Variants in CSNK2A2IP observed in about 807,000 individuals in gnomAD.
CSNK2A2IP encodes the protein casein kinase II subunit alpha'-interacting protein.
At chr3:88,459,794 A>G in the CSNK2A2IP span, among the ~76,000 whole-genome samples, 1 of 152,142 alleles carries the variant, frequency 6.6e-6, no homozygotes, top group African/African-American at 2.4e-5. Flanking sequence ...TAAAACATCT[A>G]TTAAGATTTA....
At chr3:88,384,372 AAAAAAAC>A in the CSNK2A2IP span, among the ~76,000 whole-genome samples, 1 of 132,760 alleles carries the variant, frequency 7.5e-6, no homozygotes, top group Non-Finnish European at 1.7e-5. Flanking sequence ...CAAAATTAAA[AAAAAAAC>A]AAAAAAACAA....
the CSNK2A2IP span, among the ~76,000 whole-genome samples, chr3:88,348,787 A>G: frequency 7.8e-4 from 118 of 152,070 alleles, no homozygotes; most frequent in Non-Finnish European, 1.5e-3. Flanking sequence ...GAATCAAAAA[A>G]TAGTAAGAAG....
chr3:88,460,568 A>G, the CSNK2A2IP span, among the ~76,000 whole-genome samples: 2 of 152,066 alleles, frequency 1.3e-5, no homozygotes, highest in African/African-American at 2.4e-5. Context: ...TTAAATTAGC[A>G]TCATCATCAT....
At chr3:88,349,815 T>TTGA in the CSNK2A2IP span, among the ~76,000 whole-genome samples, 7 of 152,112 alleles carry the variant, frequency 4.6e-5, no homozygotes, top group Admixed American at 3.9e-4. Flanking sequence ...TGTGTGTGTG[T>TTGA]TTTAAATTAT....
the CSNK2A2IP span, among the ~76,000 whole-genome samples, chr3:88,343,691 G>A: frequency 1.3e-5 from 2 of 151,922 alleles, no homozygotes; most frequent in African/African-American, 2.4e-5. Context: ...AAGGGCTATT[G>A]CACATGAATC....
chr3:88,417,375 C>A, the CSNK2A2IP span, among the ~76,000 whole-genome samples: 1 of 152,082 alleles, frequency 6.6e-6, no homozygotes, highest in African/African-American at 2.4e-5. Context: ...TTTTAAAACC[C>A]AAATATTTAA....
At chr3:88,425,661 G>T in the CSNK2A2IP span, among the ~76,000 whole-genome samples, 3 of 152,232 alleles carry the variant, frequency 2.0e-5, no homozygotes, top group South Asian at 6.2e-4. Context: ...TAAAATGGTA[G>T]TAATAATAGT....
chr3:88,463,615 C>T, the CSNK2A2IP span, among the ~76,000 whole-genome samples: 2 of 152,088 alleles, frequency 1.3e-5, no homozygotes, highest in Non-Finnish European at 2.9e-5. Context: ...CCATCTCACA[C>T]CAGTTAGAAT....
the CSNK2A2IP span, among the ~76,000 whole-genome samples, chr3:88,424,892 G>C: frequency 6.6e-6 from 1 of 151,622 alleles, no homozygotes; most frequent in African/African-American, 2.4e-5. Context: ...AGTTATTAAT[G>C]GATAATTGAA....
chr3:88,375,300 C>G, the CSNK2A2IP span, among the ~76,000 whole-genome samples: 1 of 151,810 alleles, frequency 6.6e-6, no homozygotes, highest in East Asian at 1.9e-4. Context: ...TCTTATAAGG[C>G]AAGCCATCGC....
At chr3:88,426,892 G>GGT in the CSNK2A2IP span, among the ~76,000 whole-genome samples, 3 of 151,796 alleles carry the variant, frequency 2.0e-5, no homozygotes, top group South Asian at 4.2e-4. Context: ...CGGGGGATGG[G>GGT]GGGGGGCGGT....
the CSNK2A2IP span, among the ~76,000 whole-genome samples, chr3:88,348,381 C>T: frequency 2.0e-5 from 3 of 151,952 alleles, no homozygotes; most frequent in Non-Finnish European, 4.4e-5. Context: ...CAGACAGTTT[C>T]GAAACGGTAT....
chr3:88,444,040 A>AT, the CSNK2A2IP span, among the ~76,000 whole-genome samples: 213 of 152,250 alleles, frequency 1.4e-3, no homozygotes, highest in Middle Eastern at 0.017. Flanking sequence ...CACAGATAAT[A>AT]TTTTTAAAAG....
the CSNK2A2IP span, among the ~76,000 whole-genome samples, chr3:88,452,387 A>G: frequency 6.6e-6 from 1 of 152,204 alleles, no homozygotes; most frequent in Admixed American, 6.5e-5. Context: ...AACAAATCCA[A>G]TATGTGGAAC....
chr3:88,450,579 T>C, the CSNK2A2IP span, among the ~76,000 whole-genome samples: 3 of 152,344 alleles, frequency 2.0e-5, no homozygotes, highest in African/African-American at 4.8e-5. Flanking sequence ...CTCAGCATAA[T>C]GTCCTTCAGG....
chr3:88,374,838 T>C, the CSNK2A2IP span, among the ~76,000 whole-genome samples: 1 of 151,708 alleles, frequency 6.6e-6, no homozygotes, highest in Non-Finnish European at 1.5e-5. Flanking sequence ...CTAAAGTATA[T>C]AGAAGTTATT....
the CSNK2A2IP span, among the ~76,000 whole-genome samples, chr3:88,413,367 G>T: frequency 3.3e-5 from 5 of 151,612 alleles, no homozygotes; most frequent in Admixed American, 6.6e-5. Context: ...AGATTCAAAT[G>T]CTATACATAA....
chr3:88,466,784 G>A, the CSNK2A2IP span: 1 of 858,648 alleles, frequency 1.2e-6, no homozygotes, highest in Admixed American at 4.3e-5. Flanking sequence ...TATGTGGTTT[G>A]CTTAGCTTGT....
At chr3:88,428,531 G>A in the CSNK2A2IP span, among the ~76,000 whole-genome samples, 2 of 152,152 alleles carry the variant, frequency 1.3e-5, no homozygotes, top group Non-Finnish European at 2.9e-5. Context: ...CCCACATGTT[G>A]CGGGAGGGAC....
Sources: allele counts gnomAD v4.1 joint callset (sites outside exome capture counted in the v4.1 genomes callset), GRCh38; gene constraint gnomAD v4.1.1; transcripts MANE v1.5; gene names NCBI Gene and HGNC (gene_info 2026-07-23, HGNC 2026-07-21).